CADPS: variants seen among roughly 807,000 people sequenced by gnomAD.
The protein encoded by CADPS is calcium-dependent secretion activator 1.
CADPS carries 57 observed loss-of-function variants against 167.3 expected under a neutral mutation model. The ratio of observed to expected loss-of-function variants is 0.34; its 90% CI spans 0.28 to 0.42. The LOEUF is 0.42. CADPS is among the 20% of genes least tolerant of loss of function. The pLI, the probability that CADPS is intolerant of heterozygous loss-of-function variation, is 1.00. For synonymous variants in CADPS, 676 were observed against 635.3 expected (o/e 1.06, Z -0.96); for missense variants, 1,414 against 1,738.1 (o/e 0.81, Z 3.32).
chr3:62,620,946 T>G (rs1414868684), intron 6 of CADPS, among the ~76,000 whole-genome samples: 1 of 152,022 alleles, frequency 6.6e-6, no homozygotes, highest in Non-Finnish European at 1.5e-5. Context: ...GGACTGAGAG[T>G]TTGGAAGCCC....
chr3:62,420,058 AG>A lies in CADPS; in HGVS notation c.3778-16874del, dbSNP rs1381812302. Among the ~76,000 whole-genome samples, 1 of 152,170 alleles carries A rather than the reference AG, an allele frequency of 6.6e-6. No individual in the cohort carries two copies. Among genetic ancestry groups the A allele is most frequent in the African/African-American group, 2.4e-5 (1 of 41,450 alleles). On this transcript the variant is annotated intron_variant, in intron 28 of 29. Transcript: ENST00000383710. The surrounding 1 kb of genome is among the most constrained non-coding windows in gnomAD (Gnocchi z 4.1). ...TTCATCATTACTCTCAACATACAAA[AG>A]CATGGTCTATGTATGTACATAATTT...
At chr3:62,542,702 C>T (rs985790714) in intron 11 of CADPS, among the ~76,000 whole-genome samples, 1 of 152,158 alleles carries the variant, frequency 6.6e-6, no homozygotes, top group African/African-American at 2.4e-5. Context: ...TCAAGGCTCA[C>T]ATTGCATCAT....
chr3:62,496,357 T>C (rs2064800157), intron 18 of CADPS, among the ~76,000 whole-genome samples: 1 of 152,162 alleles, frequency 6.6e-6, no homozygotes, highest in African/African-American at 2.4e-5. Flanking sequence ...TCAAGAGCTG[T>C]CCACGTGATT....
chr3:62,604,287 C>G (rs1426414226), intron 6 of CADPS, among the ~76,000 whole-genome samples: 3 of 152,180 alleles, frequency 2.0e-5, no homozygotes, highest in African/African-American at 7.2e-5. Context: ...GCCTGCCTGT[C>G]TCTCCAATTT....
intron 17 of CADPS, among the ~76,000 whole-genome samples, chr3:62,512,040 T>G (rs1577041006): frequency 1.3e-5 from 2 of 152,282 alleles, no homozygotes; most frequent in South Asian, 4.1e-4. Context: ...CTTTCTGAAA[T>G]GTTTTGAAAT....
chr3:62,616,077 T>C (rs1203935077), intron 6 of CADPS, among the ~76,000 whole-genome samples: 1 of 152,180 alleles, frequency 6.6e-6, no homozygotes, highest in Non-Finnish European at 1.5e-5. Flanking sequence ...TAGCTTAGGC[T>C]CTGACAGTTC....
At chr3:62,569,030 G>C (rs569886374) in intron 9 of CADPS, among the ~76,000 whole-genome samples, 1 of 152,310 alleles carries the variant, frequency 6.6e-6, no homozygotes, top group African/African-American at 2.4e-5. Flanking sequence ...ATAAATACTG[G>C]TCAGTTAATA....
intron 3 of CADPS, among the ~76,000 whole-genome samples, chr3:62,709,484 T>C (rs1402829520): frequency 1.3e-5 from 2 of 152,178 alleles, no homozygotes; most frequent in South Asian, 2.1e-4. Flanking sequence ...ATACCCTTAT[T>C]GGGTTGTTGT....
intron 2 of CADPS, among the ~76,000 whole-genome samples, chr3:62,762,288 A>G (rs970669265): frequency 6.6e-6 from 1 of 152,220 alleles, no homozygotes; most frequent in Non-Finnish European, 1.5e-5. Context: ...AAATAAAACC[A>G]ATATAGTATG....
rs762016606 is a variant in CADPS, at chr3:62,592,760, A to G, written c.1326-12T>C. The stretch of plus-strand genomic sequence containing the variant: ...CCTGGGTGCCCCAGCTGCAGACAGA[A>G]TCAAAGAGGTCATTGTAGACATATC... On this transcript the variant is annotated splice_polypyrimidine_tract_variant and intron_variant, in intron 6 of 29. Coordinates refer to ENST00000383710, the MANE Select transcript of CADPS (RefSeq NM_003716.4). The G allele has an allele frequency of 6.3e-7, 1 of 1,591,288 alleles. No individual in the cohort carries two copies. Among genetic ancestry groups the G allele is most frequent in the Non-Finnish European group, 8.6e-7 (1 of 1,159,424 alleles).
At chr3:62,516,270 T>G in intron 15 of CADPS, 88 bp from the exon 16 acceptor site, 1 of 1,509,878 alleles carries the variant, frequency 6.6e-7, no homozygotes, top group Non-Finnish European at 9.1e-7. Flanking sequence ...AAGTTTAAAA[T>G]CAGTTCTTTG....
intron 16 of CADPS, among the ~76,000 whole-genome samples, chr3:62,515,173 C>T (rs961451864): frequency 6.6e-5 from 10 of 152,008 alleles, no homozygotes; most frequent in African/African-American, 1.7e-4. Context: ...GCAGACAATG[C>T]GCATTTGCTA....
intron 17 of CADPS, among the ~76,000 whole-genome samples, chr3:62,507,614 C>G (rs1259232074): frequency 2.6e-5 from 4 of 152,022 alleles, no homozygotes; most frequent in African/African-American, 9.7e-5. Flanking sequence ...AAGTACCATC[C>G]CTGGATCAGC....
intron 18 of CADPS, chr3:62,498,272 A>G (rs2065143989): frequency 2.4e-6 from 1 of 424,458 alleles, no homozygotes; most frequent in Admixed American, 2.7e-5. Context: ...TTATTTAACT[A>G]TACTGGCAAT....
chr3:62,613,378 C>A (rs1345770365), intron 6 of CADPS, among the ~76,000 whole-genome samples: 1 of 152,098 alleles, frequency 6.6e-6, no homozygotes, highest in Non-Finnish European at 1.5e-5. Context: ...AGTTAGCAGG[C>A]AATACAGGTG....
At position 62,753,543 on chromosome 3, in the gene CADPS, T is replaced by A; in HGVS notation, c.786A>T (p.Ala262=). The A allele has an allele frequency of 6.2e-7, 1 of 1,614,122 alleles. No individual in the cohort carries two copies. Among genetic ancestry groups the A allele is most frequent in the Non-Finnish European group, 8.5e-7 (1 of 1,180,012 alleles). The change falls in exon 3 of 30, where the codon GCA becomes GCT. Residue 262 remains alanine, a synonymous_variant. Coordinates refer to ENST00000383710, the MANE Select transcript of CADPS (RefSeq NM_003716.4). This position sits in a 1 kb window ranked among gnomAD's most constrained non-coding sequence, Gnocchi z 4.6. ...CCTTGCTCAGAATCAGCTCGGAGGC[T>A]GCGCTGGCTGTCATCCGGGCCTGCT... The part of the protein sequence containing the change: ...RKQQARMTAS[A]ASELILSKEQ...
intron 23 of CADPS, among the ~76,000 whole-genome samples, chr3:62,476,327 A>G (rs2061324812): frequency 6.6e-6 from 1 of 152,338 alleles, no homozygotes; most frequent in East Asian, 1.9e-4. Context: ...TAAAACATTC[A>G]AAAACTCGTC....
At chr3:62,648,609 C>T (rs1344583999) in intron 5 of CADPS, among the ~76,000 whole-genome samples, 1 of 140,948 alleles carries the variant, frequency 7.1e-6, no homozygotes, top group Non-Finnish European at 1.5e-5. Flanking sequence ...TCACTTGAGT[C>T]CAGGAAGTTG....
In CADPS at chr3:62,465,016, A is replaced by T. The variant is rs532014217; in HGVS notation, c.3636+351T>A. ...GTCTTCATTTAAAACTCTAAAATTA[A>T]TTTTTCTTATTTACAGATGAGGAAA... is the stretch of plus-strand genomic sequence containing the variant. On this transcript the variant is annotated intron_variant, in intron 26 of 29. Coordinates refer to ENST00000383710, the MANE Select transcript of CADPS (RefSeq NM_003716.4). The surrounding 1 kb of genome is among the most constrained non-coding windows in gnomAD (Gnocchi z 4.1). Among the ~76,000 whole-genome samples, 1 of 152,128 alleles carries T rather than the reference A, an allele frequency of 6.6e-6. No individual in the cohort carries two copies. The highest frequency in any genetic ancestry group is 2.4e-5 in the African/African-American group (1 of 41,498).
Sources: allele counts gnomAD v4.1 joint callset (sites outside exome capture counted in the v4.1 genomes callset), GRCh38; gene constraint gnomAD v4.1.1; non-coding constraint Gnocchi (gnomAD v3.1); transcripts MANE v1.5; gene names NCBI Gene and HGNC (gene_info 2026-07-23, HGNC 2026-07-21).